ZNF808: variants seen among roughly 807,000 people sequenced by gnomAD.
ZNF808 encodes zinc finger protein 808.
A neutral mutation model predicts 8.7 loss-of-function variants in ZNF808; 5 were observed. That is an observed-to-expected ratio of 0.58 (90% CI 0.30 to 1.21). The LOEUF (loss-of-function observed/expected upper bound fraction) is 1.21. Among genes scored for constraint, ZNF808 ranks in the 50% most tolerant of loss-of-function variants. The pLI, the probability that ZNF808 is intolerant of heterozygous loss-of-function variation, is 0.07. For missense variants in ZNF808, 1,103 were observed against 1,098.4 expected (o/e 1.00, Z -0.06); for synonymous variants, 380 against 366.0 (o/e 1.04, Z -0.44).
At chr19:52,566,510 A>G (rs1266758423), downstream of ZNF808, among the ~76,000 whole-genome samples, 1 of 152,178 alleles carries the variant, frequency 6.6e-6, no homozygotes, top group African/African-American at 2.4e-5. Context: ...AACCCATTCT[A>G]TATAACTTTA....
chr19:52,558,305 G>A (rs568305472), downstream of ZNF808, among the ~76,000 whole-genome samples: 14 of 151,400 alleles, frequency 9.2e-5, no homozygotes, highest in East Asian at 2.5e-3. Flanking sequence ...CTCGTGATCC[G>A]CCTGCCTCGG....
chr19:52,528,413 G>A (rs1028549450), intron 1 of ZNF808, among the ~76,000 whole-genome samples: 1 of 152,162 alleles, frequency 6.6e-6, no homozygotes, highest in African/African-American at 2.4e-5. Context: ...GAAAACCTGA[G>A]ACAGAGAAAG....
In ZNF808 at chr19:52,554,113, C is replaced by G. The variant is rs760250246; in HGVS notation, c.1197C>G (p.Tyr399Ter). The G allele has an allele frequency of 1.9e-6, 3 of 1,614,152 alleles. No individual in the cohort carries two copies. The highest frequency in any genetic ancestry group is 2.5e-6 in the Non-Finnish European group (3 of 1,180,026). ...GAATTCATAGTGGAGAGAAAACATA[C>G]AAGTGTAATGAGTGTGGTAAGGCTT... ...HTRIHSGEKT[Y>*]KCNECGKAFN... Residue 399 changes from tyrosine to a stop codon, truncating the protein, a stop_gained, in exon 5 of 5, where the codon TAC becomes TAG. Coordinates refer to ENST00000359798, the MANE Select transcript of ZNF808 (RefSeq NM_001039886.4). LOFTEE classifies it low-confidence loss of function (END_TRUNC).
At position 52,554,013 on chromosome 19, in the gene ZNF808, C is replaced by T; in HGVS notation, c.1097C>T (p.Thr366Ile). 6.2e-7 allele frequency: 1 copy of T among 1,614,104 alleles called. No individual in the cohort carries two copies. Among genetic ancestry groups the T allele is most frequent in the Non-Finnish European group, 8.5e-7 (1 of 1,180,014 alleles). Residue 366 changes from threonine to isoleucine, a missense_variant, in exon 5 of 5, where the codon ACT becomes ATT. Transcript: ENST00000359798. ...SHLSRHQRLHTGVKPYKCKIC... is the reference protein window; with the variant it reads ...SHLSRHQRLHIGVKPYKCKIC... ...CTTTCACGCCATCAAAGACTTCATA[C>T]TGGAGTGAAACCTTACAAATGTAAG...
chr19:52,563,465 C>T (rs2059864164), exon 4 of ZNF808: 1 of 152,152 alleles, frequency 6.6e-6, no homozygotes, highest in East Asian at 1.9e-4. Context: ...CCTGGGAGGT[C>T]AAGACTATAG....
At chr19:52,530,587 C>T (rs1410256529) in intron 1 of ZNF808, among the ~76,000 whole-genome samples, 2 of 151,196 alleles carry the variant, frequency 1.3e-5, no homozygotes, top group East Asian at 2.0e-4. Context: ...TACTTGAACC[C>T]GGGAAGCAGA....
chr19:52,539,628 A>C (rs1204183199), intron 2 of ZNF808, among the ~76,000 whole-genome samples: 2 of 124,854 alleles, frequency 1.6e-5, no homozygotes, highest in Non-Finnish European at 3.1e-5. Flanking sequence ...GATCTTGCTC[A>C]CTGCAACCTT....
chr19:52,528,278 C>A (rs1256852646), intron 1 of ZNF808, among the ~76,000 whole-genome samples: 1 of 152,152 alleles, frequency 6.6e-6, no homozygotes, highest in Non-Finnish European at 1.5e-5. Flanking sequence ...TGTCCTGTGA[C>A]ATGGGGTCTT....
chr19:52,563,227 T>TA (rs1397061674), intron 3 of ZNF808: 2 of 152,372 alleles, frequency 1.3e-5, no homozygotes, highest in Non-Finnish European at 2.9e-5. Context: ...TTTAGAGGTC[T>TA]GCTGGCTGTA....
intron 2 of ZNF808, among the ~76,000 whole-genome samples, chr19:52,536,736 A>T (rs1433589072): frequency 6.6e-6 from 1 of 152,130 alleles, no homozygotes; most frequent in Non-Finnish European, 1.5e-5. Flanking sequence ...CACAGCAGGG[A>T]GGACACCGGG....
At chr19:52,548,174 G>A (rs1372256507) in intron 4 of ZNF808, among the ~76,000 whole-genome samples, 1 of 152,018 alleles carries the variant, frequency 6.6e-6, no homozygotes, top group South Asian at 2.1e-4. Context: ...GACATCATTC[G>A]GGCTCACAGC....
chr19:52,553,760 A>G lies in ZNF808; in HGVS notation c.844A>G (p.Thr282Ala). 1 of 1,614,176 alleles carries G rather than the reference A, an allele frequency of 6.2e-7. No individual in the cohort carries two copies. ...CCTTGCATGCCATCGTAGATGTCAC[A>G]CTGGAGAGAAACCTTACAAGTGTAA... ...QYLACHRRCH[T>A]GEKPYKCKEC... Residue 282 changes from threonine (T) to alanine (A), a missense_variant, in exon 5 of 5, where the codon ACT becomes GCT. Physicochemically the swap from Thr to Ala is moderately conservative, Grantham distance 58. Coordinates refer to ENST00000359798, the MANE Select transcript of ZNF808 (RefSeq NM_001039886.4).
In ZNF808 at chr19:52,554,484, G is replaced by A. The variant is rs772629320; in HGVS notation, c.1568G>A (p.Arg523Gln). 3.0e-5 allele frequency: 48 copies of A among 1,613,966 alleles called. No homozygotes were observed. The highest frequency in any genetic ancestry group is 1.6e-4 in the Middle Eastern group (1 of 6,084). The change falls in exon 5 of 5, where the codon CGG (arginine) becomes CAG (glutamine). Residue 523 changes from arginine (R) to glutamine (Q), a missense_variant. By Grantham distance (43) the Arg-to-Gln change is conservative (BLOSUM62 1). Coordinates refer to ENST00000359798, the MANE Select transcript of ZNF808 (RefSeq NM_001039886.4). The part of the protein sequence containing the change: ...CNQCGNTFRH[R>Q]ASLVYHRRLH... ...CAGTGTGGCAATACCTTCCGTCACC[G>A]GGCATCCCTTGTATACCATCGTAGA...
intron 1 of ZNF808, chr19:52,527,988 C>T (rs1027103082): frequency 2.0e-5 from 3 of 152,648 alleles, no homozygotes; most frequent in African/African-American, 7.2e-5. Context: ...ACTCTTCCCT[C>T]CTCGCGCTAT....
chr19:52,551,029 A>G (rs2059771499), intron 4 of ZNF808, among the ~76,000 whole-genome samples: 3 of 152,012 alleles, frequency 2.0e-5, no homozygotes, highest in South Asian at 2.1e-4. Context: ...GAGACCAGTC[A>G]GGCAAACATA....
intron 2 of ZNF808, 86 bp from the exon 3 acceptor site, chr19:52,543,180 G>T (rs920662764): frequency 4.3e-6 from 6 of 1,404,584 alleles, no homozygotes; most frequent in Non-Finnish European, 5.9e-6. Flanking sequence ...CTTTCTACAG[G>T]GTGACATCTC....
chr19:52,561,212 C>CTCTCTATA (rs1568495016), downstream of ZNF808, among the ~76,000 whole-genome samples: 3 of 40,056 alleles, frequency 7.5e-5, no homozygotes, highest in Non-Finnish European at 1.4e-4. Context: ...CTCTCTCTCT[C>CTCTCTATA]TATATATATA....
chr19:52,546,642 C>CTTTT (rs67940309), intron 3 of ZNF808, among the ~76,000 whole-genome samples: 8 of 98,798 alleles, frequency 8.1e-5, no homozygotes, highest in African/African-American at 1.6e-4. Flanking sequence ...CCTGTGTTTG[C>CTTTT]TTTTTTTTTT....
In ZNF808 at chr19:52,554,921, C is replaced by A; in HGVS notation, c.2005C>A (p.His669Asn). 1 of 1,614,176 alleles carries A rather than the reference C, an allele frequency of 6.2e-7. No individual in the cohort carries two copies. The highest frequency in any genetic ancestry group is 8.5e-7 in the Non-Finnish European group (1 of 1,180,018). ...CAGTTACAAGTCATCACTTGTATGG[C>A]ATCGTAGACTTCATGGTGGAGAGAA... ...TFSYKSSLVW[H>N]RRLHGGEKSY... Residue 669 changes from histidine to asparagine, a missense_variant, in exon 5 of 5, where the codon CAT becomes AAT. His to Asn is a moderately conservative substitution (Grantham distance 68). Coordinates refer to ENST00000359798, the MANE Select transcript of ZNF808 (RefSeq NM_001039886.4).
Sources: gnomAD v4.1 joint callset for allele counts (sites outside exome capture counted in the v4.1 genomes callset) on GRCh38, gnomAD v4.1.1 for gene constraint, MANE v1.5 for transcripts, NCBI Gene and HGNC (gene_info 2026-07-23, HGNC 2026-07-21) for gene names.